NXPE2: variants seen among roughly 807,000 people sequenced by gnomAD.
The protein encoded by NXPE2 is neurexophilin and PC-esterase domain family member 2.
Under a neutral mutation model 34.4 loss-of-function variants are expected in NXPE2, and 34 were observed. That is an observed-to-expected ratio of 0.99 (90% CI 0.75 to 1.31). The LOEUF is 1.31. Among genes scored for constraint, NXPE2 ranks in the 40% most tolerant of loss-of-function variants. The pLI is 0.00. For synonymous variants in NXPE2, 235 were observed against 231.3 expected (o/e 1.02, Z -0.15); for missense variants, 649 against 672.5 (o/e 0.97, Z 0.39).
At chr11:114,761,614 C>T in the NXPE2 span, among the ~76,000 whole-genome samples, 3 of 141,498 alleles carry the variant, frequency 2.1e-5, no homozygotes, top group Admixed American at 7.4e-5. Flanking sequence ...TCGCCCAGGC[C>T]GGACTGCGGA....
the NXPE2 span, among the ~76,000 whole-genome samples, chr11:114,736,405 CT>C: frequency 6.6e-6 from 1 of 152,098 alleles, no homozygotes; most frequent in African/African-American, 2.4e-5. Flanking sequence ...AGGGATGTTC[CT>C]TGCTGAGAAA....
At chr11:114,571,055 G>A in the NXPE2 span, 1 of 1,613,816 alleles carries the variant, frequency 6.2e-7, no homozygotes, top group Non-Finnish European at 8.5e-7. Flanking sequence ...TACTCACACT[G>A]AGATCCTGGA....
At chr11:114,570,059 T>G in the NXPE2 span, among the ~76,000 whole-genome samples, 2 of 152,180 alleles carry the variant, frequency 1.3e-5, no homozygotes, top group Non-Finnish European at 1.5e-5. Context: ...TAATGCTGCA[T>G]TTGTTTCTTG....
At chr11:114,627,880 A>T in the NXPE2 span, among the ~76,000 whole-genome samples, 9 of 151,802 alleles carry the variant, frequency 5.9e-5, no homozygotes, top group African/African-American at 2.2e-4. Flanking sequence ...CTAGTCTCTG[A>T]TAAAACAGAC....
chr11:114,756,053 C>T, the NXPE2 span, among the ~76,000 whole-genome samples: 2 of 152,200 alleles, frequency 1.3e-5, no homozygotes, highest in Non-Finnish European at 2.9e-5. Context: ...AGACAGGTCC[C>T]TCTTGATACC....
chr11:114,633,110 T>G, the NXPE2 span, among the ~76,000 whole-genome samples: 10 of 122,314 alleles, frequency 8.2e-5, no homozygotes, highest in South Asian at 4.7e-4. Flanking sequence ...TATTTTACAT[T>G]ATATTTTATA....
the NXPE2 span, among the ~76,000 whole-genome samples, chr11:114,541,899 A>T: frequency 6.6e-6 from 1 of 151,878 alleles, no homozygotes; most frequent in Non-Finnish European, 1.5e-5. Context: ...CTCAATGTTT[A>T]TCTGTTAGAT....
the NXPE2 span, chr11:114,571,289 AT>A: frequency 1.9e-6 from 3 of 1,613,896 alleles, no homozygotes; most frequent in Non-Finnish European, 2.5e-6. Context: ...CAATGACAGT[AT>A]TTTTTTCTCC....
chr11:114,666,811 A>T, the NXPE2 span, among the ~76,000 whole-genome samples: 4 of 152,226 alleles, frequency 2.6e-5, no homozygotes, highest in East Asian at 7.7e-4. Flanking sequence ...TGTATTTACA[A>T]CATTTGAACT....
At chr11:114,549,560 C>G in the NXPE2 span, among the ~76,000 whole-genome samples, 2 of 151,910 alleles carry the variant, frequency 1.3e-5, no homozygotes, top group Non-Finnish European at 2.9e-5. Context: ...TTGAAAAACA[C>G]AACAGAAAGA....
the NXPE2 span, among the ~76,000 whole-genome samples, chr11:114,748,867 G>A: frequency 1.3e-5 from 2 of 152,114 alleles, no homozygotes; most frequent in Admixed American, 1.3e-4. Context: ...TGATTAATTT[G>A]TGTCAGGAAT....
At chr11:114,699,862 C>T (rs1422945647) in intron 3 of NXPE2, among the ~76,000 whole-genome samples, 6 of 150,954 alleles carry the variant, frequency 4.0e-5, no homozygotes, top group Non-Finnish European at 5.9e-5. Context: ...GGTGCGATCT[C>T]GGCTCACTGC....
the NXPE2 span, among the ~76,000 whole-genome samples, chr11:114,592,024 C>T: frequency 6.6e-6 from 1 of 152,136 alleles, no homozygotes; most frequent in African/African-American, 2.4e-5. Context: ...AAGAAATGTA[C>T]CTCAAAACAA....
At chr11:114,763,291 A>G in the NXPE2 span, among the ~76,000 whole-genome samples, 20 of 152,156 alleles carry the variant, frequency 1.3e-4, no homozygotes, top group African/African-American at 4.8e-4. Context: ...AAGTAAAATT[A>G]ATTTTTTGTT....
the NXPE2 span, chr11:114,522,446 T>C: frequency 1.2e-6 from 2 of 1,613,054 alleles, no homozygotes; most frequent in Non-Finnish European, 1.7e-6. Context: ...TCTTTCTGCA[T>C]CCAGAAGCAA....
chr11:114,812,140 C>T, the NXPE2 span, among the ~76,000 whole-genome samples: 1 of 152,176 alleles, frequency 6.6e-6, no homozygotes, highest in South Asian at 2.1e-4. Flanking sequence ...CTTTAAATTC[C>T]TCCTGCCCCA....
At chr11:114,651,328 C>G in the NXPE2 span, among the ~76,000 whole-genome samples, 1 of 151,814 alleles carries the variant, frequency 6.6e-6, no homozygotes, top group South Asian at 2.1e-4. Flanking sequence ...CTTGTTACAG[C>G]TCGTTAAGGT....
the NXPE2 span, among the ~76,000 whole-genome samples, chr11:114,803,879 C>T: frequency 6.6e-6 from 1 of 152,134 alleles, no homozygotes; most frequent in Non-Finnish European, 1.5e-5. Context: ...TGCCCGCCCC[C>T]CTCAGGTCTC....
At chr11:114,531,800 C>T in the NXPE2 span, among the ~76,000 whole-genome samples, 4 of 152,162 alleles carry the variant, frequency 2.6e-5, no homozygotes, top group East Asian at 3.8e-4. Context: ...TTAACTTCTA[C>T]CTTAGAAATC....
Sources: gnomAD v4.1 joint callset for allele counts (sites outside exome capture counted in the v4.1 genomes callset) on GRCh38, gnomAD v4.1.1 for gene constraint, MANE v1.5 for transcripts, NCBI Gene and HGNC (gene_info 2026-07-23, HGNC 2026-07-21) for gene names.